SBF2: variants seen among roughly 807,000 people sequenced by gnomAD.
The protein encoded by SBF2 is SET binding factor 2, also known as myotubularin-related protein 13.
A neutral mutation model predicts 225.2 loss-of-function variants in SBF2; 112 were observed. The ratio of observed to expected loss-of-function variants is 0.50; its 90% confidence interval spans 0.43 to 0.58. SBF2 has a LOEUF of 0.58. Among genes scored for constraint, SBF2 ranks in the 20% least tolerant of loss-of-function variants. The probability of loss-of-function intolerance (pLI) is 0.00; values close to 1 mark genes in which losing one functional copy is unlikely to be tolerated. For missense variants in SBF2, 1,996 were observed against 2,206.2 expected, an observed-to-expected ratio of 0.90 and a Z score of 1.91; for synonymous variants, 763 against 773.3, an observed-to-expected ratio of 0.99 and a Z score of 0.22.
chr11:9,896,004 G>T lies in SBF2; in HGVS notation c.1868C>A (p.Ser623Ter). The T allele has an allele frequency of 6.2e-7, 1 of 1,612,422 alleles. No individual in the cohort carries two copies. Among genetic ancestry groups the T allele is most frequent in the South Asian group, 1.1e-5 (1 of 90,984 alleles). Residue 623 changes from serine (S) to a stop codon, truncating the protein, a stop_gained, in exon 17 of 40, where the codon TCA becomes TAA. Coordinates refer to ENST00000256190, the MANE Select transcript of SBF2 (RefSeq NM_030962.4). LOFTEE classifies it high-confidence loss of function. ...GGCAATGTTGTATTCTTCTAAACTT[G>T]AACAATCCTTTAAGCAAAACAAAGA... ...RMMNCTLQDC[S>*]SLEEYNIAAA...
At chr11:10,120,441 C>T (rs1213520825) in intron 2 of SBF2, among the ~76,000 whole-genome samples, 18 of 152,078 alleles carry the variant, frequency 1.2e-4, no homozygotes, top group Admixed American at 7.9e-4. Flanking sequence ...GAAGTACACC[C>T]AAAAGTGGAA....
At chr11:9,966,149 G>A (rs981190506) in intron 14 of SBF2, among the ~76,000 whole-genome samples, 22 of 151,702 alleles carry the variant, frequency 1.5e-4, no homozygotes, top group African/African-American at 5.3e-4. Flanking sequence ...ACAGTGGTGC[G>A]ATCTTGGCTC....
Position 10,142,921 on chromosome 11 carries a change from A to G in SBF2, c.141+50981T>C, listed in dbSNP as rs181899627. On this transcript the variant is annotated intron_variant, in intron 2 of 39. Coordinates refer to ENST00000256190, the MANE Select transcript of SBF2 (RefSeq NM_030962.4). ...AGAGAATGGTCTAAAGAAAGGTACC[A>G]CTTGGCAATGCAATGATAGCATATG... Among the ~76,000 whole-genome samples the G allele has an allele frequency of 6.2e-4, 94 of 152,342 alleles. 1 individual carries two copies. The East Asian group carries it at 0.017, about 27-fold the overall frequency.
intron 2 of SBF2, among the ~76,000 whole-genome samples, chr11:10,173,456 C>T (rs1246200121): frequency 6.6e-6 from 1 of 152,246 alleles, no homozygotes; most frequent in Non-Finnish European, 1.5e-5. Flanking sequence ...TTCCGACAGG[C>T]TTAAAAAACG....
intron 2 of SBF2, among the ~76,000 whole-genome samples, chr11:10,168,536 C>T (rs1000413414): frequency 3.3e-5 from 5 of 152,110 alleles, no homozygotes; most frequent in Admixed American, 1.3e-4. Flanking sequence ...GGCTGCTATG[C>T]GAGATGAAAT....
intron 1 of SBF2, among the ~76,000 whole-genome samples, chr11:10,254,900 CAAAAAAAAAAAAAAAAAAAAAAAAAAA>C (rs71034757): frequency 6.8e-5 from 3 of 44,056 alleles, no homozygotes; most frequent in Non-Finnish European, 1.1e-4. Context: ...GACTCTGTCT[CAAAAAAAAAAAAAAAAAAAAAAAAAAA>C]AAAAAAAAAA....
chr11:10,060,993 A>T (rs1158170904), intron 2 of SBF2, among the ~76,000 whole-genome samples: 1 of 152,180 alleles, frequency 6.6e-6, no homozygotes, highest in Non-Finnish European at 1.5e-5. Flanking sequence ...GTGCCACTAC[A>T]TTCCAGCCTG....
chr11:10,015,809 T>G (rs1948626696), intron 6 of SBF2, among the ~76,000 whole-genome samples: 1 of 152,038 alleles, frequency 6.6e-6, no homozygotes, highest in African/African-American at 2.4e-5. Context: ...TGTCCCTCTT[T>G]GCTTTTTTTT....
chr11:10,153,363 C>T (rs1955310791), intron 2 of SBF2, among the ~76,000 whole-genome samples: 1 of 152,114 alleles, frequency 6.6e-6, no homozygotes, highest in Admixed American at 6.5e-5. Context: ...GACCACCATG[C>T]AGTTAAATTC....
At chr11:10,223,833 T>C (rs774468691) in intron 1 of SBF2, among the ~76,000 whole-genome samples, 2 of 152,048 alleles carry the variant, frequency 1.3e-5, no homozygotes, top group Non-Finnish European at 2.9e-5. Context: ...TGGCATCATA[T>C]GGTATTTTAA....
Position 10,092,241 on chromosome 11 carries a change from T to A in SBF2, c.142-49260A>T, listed in dbSNP as rs78956933. Among the ~76,000 whole-genome samples the A allele has an allele frequency of 3.6e-3, 548 of 152,290 alleles. 5 individuals are homozygous for A. Among genetic ancestry groups the A allele is most frequent in the African/African-American group, 0.012 (482 of 41,580 alleles). ...GGGTCTCAGGCCCTAGAAAGATCCATCATTTGGCAATCAAAATGATTACTA... is the reference window on the plus strand; with the variant it reads ...GGGTCTCAGGCCCTAGAAAGATCCAACATTTGGCAATCAAAATGATTACTA... On this transcript the variant is annotated intron_variant, in intron 2 of 39. Coordinates refer to ENST00000256190, the MANE Select transcript of SBF2 (RefSeq NM_030962.4).
intron 2 of SBF2, among the ~76,000 whole-genome samples, chr11:10,164,231 T>C (rs1228530577): frequency 6.6e-6 from 1 of 152,190 alleles, no homozygotes. Context: ...TAATAAAACA[T>C]CTAGGTCTTT....
intron 27 of SBF2, among the ~76,000 whole-genome samples, chr11:9,830,745 C>CAAAAAAAAAAAA (rs553674434): frequency 1.8e-5 from 2 of 110,980 alleles, no homozygotes; most frequent in African/African-American, 3.3e-5. Flanking sequence ...AGCTCAAAAA[C>CAAAAAAAAAAAA]AAAAAAAAAA....
chr11:9,913,139 C>T, intron 16 of SBF2, among the ~76,000 whole-genome samples: 1 of 152,030 alleles, frequency 6.6e-6, no homozygotes, highest in East Asian at 1.9e-4. Flanking sequence ...CAAAAATTAC[C>T]TCGGTGTGGT....
At chr11:9,836,877 T>C (rs1855763787) in intron 26 of SBF2, among the ~76,000 whole-genome samples, 1 of 152,148 alleles carries the variant, frequency 6.6e-6, no homozygotes, top group Admixed American at 6.5e-5. Context: ...GAAAATTTCA[T>C]TTTGTAATAA....
intron 26 of SBF2, among the ~76,000 whole-genome samples, chr11:9,837,404 A>G (rs1327347158): frequency 5.3e-5 from 8 of 152,240 alleles, no homozygotes; most frequent in African/African-American, 1.7e-4. Flanking sequence ...AATAAAACTC[A>G]TAAGTGTACT....
rs182194504 is a variant in SBF2, at chr11:9,882,631, A to G, written c.1929+13312T>C. On this transcript the variant is annotated intron_variant, in intron 17 of 39. Coordinates refer to ENST00000256190, the MANE Select transcript of SBF2 (RefSeq NM_030962.4). ...AGACCATCCTGGCTAACACGGTGAA[A>G]CCCCGTCTCTACTAAAAATACTAAA... is the stretch of plus-strand genomic sequence containing the variant. Among the ~76,000 whole-genome samples, 19 of 151,922 alleles carry G rather than the reference A, an allele frequency of 1.3e-4. No individual in the cohort carries two copies. In the East Asian group the frequency reaches 3.3e-3, roughly 26 times the overall value.
chr11:10,074,134 A>G (rs1951002547), intron 2 of SBF2, among the ~76,000 whole-genome samples: 1 of 152,236 alleles, frequency 6.6e-6, no homozygotes, highest in East Asian at 1.9e-4. Flanking sequence ...GTAGACAGGT[A>G]TAATAGAGCG....
intron 17 of SBF2, among the ~76,000 whole-genome samples, chr11:9,892,338 C>T (rs1401961745): frequency 4.0e-5 from 6 of 151,074 alleles, no homozygotes; most frequent in East Asian, 2.0e-4. Flanking sequence ...AGGCTGGTCT[C>T]GAACTCCTGG....
Sources: gnomAD v4.1 joint callset for allele counts (sites outside exome capture counted in the v4.1 genomes callset) on GRCh38, gnomAD v4.1.1 for gene constraint, MANE v1.5 for transcripts, NCBI Gene and HGNC (gene_info 2026-07-23, HGNC 2026-07-21) for gene names.